The following PAM variants were observed in gnomAD, a reference collection of about 807,000 sequenced individuals.
The protein encoded by PAM is peptidylglycine alpha-amidating monooxygenase.
Under a neutral mutation model 122.1 loss-of-function variants are expected in PAM, and 72 were observed. The ratio of observed to expected loss-of-function variants is 0.59; its 90% CI spans 0.49 to 0.72. The LOEUF (loss-of-function observed/expected upper bound fraction) is 0.72. Ranked by LOEUF, PAM falls within the 30% of genes least tolerant of loss-of-function variation. PAM has a pLI of 0.00. For synonymous variants in PAM, 389 were observed against 404.4 expected, an observed-to-expected ratio of 0.96 and a Z score of 0.46; for missense variants, 1,106 against 1,183.7, an observed-to-expected ratio of 0.93 and a Z score of 0.96.
At chr5:102,848,247 G>T (rs11948363) in intron 1 of PAM, among the ~76,000 whole-genome samples, 16,861 of 151,824 alleles carry the variant, frequency 0.11, 2,184 homozygotes, top group African/African-American at 0.31. Flanking sequence ...TGTTGATACC[G>T]GTTTTGCTTT....
intron 1 of PAM, among the ~76,000 whole-genome samples, chr5:102,864,233 G>T (rs1784931543): frequency 6.9e-6 from 1 of 143,904 alleles, no homozygotes; most frequent in South Asian, 2.2e-4. Flanking sequence ...ATTGTCATTT[G>T]ATAGGATTAT....
intron 15 of PAM, among the ~76,000 whole-genome samples, chr5:102,980,318 C>A (rs534751132): frequency 6.6e-6 from 1 of 152,210 alleles, no homozygotes; most frequent in South Asian, 2.1e-4. Context: ...GAAATCTGAA[C>A]TAGAATTTTT....
intron 3 of PAM, among the ~76,000 whole-genome samples, chr5:102,870,806 C>G (rs949073112): frequency 1.3e-5 from 2 of 152,098 alleles, no homozygotes; most frequent in Non-Finnish European, 2.9e-5. Flanking sequence ...GGCTTCAAAT[C>G]CAGCAGAGCC....
intron 1 of PAM, among the ~76,000 whole-genome samples, chr5:102,800,503 C>G (rs1397069515): frequency 1.3e-5 from 2 of 152,102 alleles, no homozygotes; most frequent in Non-Finnish European, 2.9e-5. Context: ...ATTCTTTTTT[C>G]CTTCATGTTA....
intron 1 of PAM, among the ~76,000 whole-genome samples, chr5:102,770,829 T>G (rs2431532): frequency 0.5 from 75,188 of 151,726 alleles, 18,939 homozygotes; most frequent in African/African-American, 0.58. Flanking sequence ...TCTTTGTCTG[T>G]TTGTGGTATC....
intron 1 of PAM, among the ~76,000 whole-genome samples, chr5:102,796,500 G>T (rs1763411055): frequency 6.6e-6 from 1 of 152,178 alleles, no homozygotes. Flanking sequence ...TCTGGTAGGA[G>T]TCATCTTTGC....
chr5:102,862,707 G>C (rs181236812), intron 1 of PAM, among the ~76,000 whole-genome samples: 2 of 152,328 alleles, frequency 1.3e-5, no homozygotes, highest in Non-Finnish European at 2.9e-5. Flanking sequence ...GTCTAGCACT[G>C]TTCTAAGGGT....
At chr5:102,949,862 C>T (rs746641776) in intron 10 of PAM, 40 bp from the exon 11 acceptor site, 8 of 1,068,780 alleles carry the variant, frequency 7.5e-6, no homozygotes, top group South Asian at 6.8e-5. Flanking sequence ...TTTTCTAATA[C>T]CTTATTATAT....
chr5:102,896,682 T>A (rs1796308772), intron 3 of PAM, among the ~76,000 whole-genome samples: 1 of 151,642 alleles, frequency 6.6e-6, no homozygotes, highest in Non-Finnish European at 1.5e-5. Flanking sequence ...GACTGTTTCT[T>A]CCACAGCCTA....
intron 3 of PAM, among the ~76,000 whole-genome samples, chr5:102,895,704 T>C (rs1270372347): frequency 1.3e-5 from 2 of 151,746 alleles, no homozygotes; most frequent in Admixed American, 1.3e-4. Context: ...TTCTCTCCTA[T>C]GAAGCTGTAT....
chr5:102,901,637 G>C (rs1797930194), intron 4 of PAM, among the ~76,000 whole-genome samples: 1 of 151,534 alleles, frequency 6.6e-6, no homozygotes, highest in Non-Finnish European at 1.5e-5. Flanking sequence ...TTAAGGAGTT[G>C]CATGCAGATG....
At chr5:102,894,961 C>G (rs929821145) in intron 3 of PAM, among the ~76,000 whole-genome samples, 1 of 151,512 alleles carries the variant, frequency 6.6e-6, no homozygotes, top group South Asian at 2.1e-4. Flanking sequence ...CTTCACTAAC[C>G]TCATCTGGTT....
chr5:102,943,143 G>T (rs1023946765), intron 7 of PAM, among the ~76,000 whole-genome samples: 1 of 152,072 alleles, frequency 6.6e-6, no homozygotes, highest in Non-Finnish European at 1.5e-5. Flanking sequence ...CAGGATCAGC[G>T]GTTAATCTGT....
intron 22 of PAM, among the ~76,000 whole-genome samples, chr5:103,017,711 G>A (rs1016691787): frequency 2.0e-5 from 3 of 152,164 alleles, no homozygotes; most frequent in African/African-American, 7.2e-5. Context: ...GTTCCAGAAG[G>A]AGAGAGGGGG....
At chr5:102,768,645 C>T (rs1017110010) in intron 1 of PAM, among the ~76,000 whole-genome samples, 7 of 152,154 alleles carry the variant, frequency 4.6e-5, no homozygotes, top group Admixed American at 6.5e-5. Context: ...ACAATTACAT[C>T]CATGTTGTTG....
At chr5:102,760,198 A>T (rs1751889453) in intron 1 of PAM, among the ~76,000 whole-genome samples, 1 of 152,226 alleles carries the variant, frequency 6.6e-6, no homozygotes, top group South Asian at 2.1e-4. Context: ...AGTTTAAAAG[A>T]TTCAAGTACC....
chr5:102,950,892 C>T, intron 12 of PAM, 72 bp downstream of exon 12: 1 of 864,992 alleles, frequency 1.2e-6, no homozygotes, highest in Non-Finnish European at 1.9e-6. Flanking sequence ...TGACAGCTAT[C>T]TTTGTGAATA....
At chr5:102,925,779 T>TA (rs202164063) in intron 6 of PAM, among the ~76,000 whole-genome samples, 1,835 of 143,250 alleles carry the variant, frequency 0.013, 19 homozygotes, top group African/African-American at 0.03. Context: ...GAGATTTGTT[T>TA]AAAAAAAAAA....
At chr5:102,959,294 T>C (rs1761781213) in intron 12 of PAM, among the ~76,000 whole-genome samples, 1 of 152,076 alleles carries the variant, frequency 6.6e-6, no homozygotes, top group Admixed American at 6.6e-5. Flanking sequence ...AAGTCAGACA[T>C]CAGGGATACA....
Sources: allele counts gnomAD v4.1 joint callset (sites outside exome capture counted in the v4.1 genomes callset), GRCh38; gene constraint gnomAD v4.1.1; transcripts MANE v1.5; gene names NCBI Gene and HGNC (gene_info 2026-07-23, HGNC 2026-07-21).